Variants in PHKA1 observed in about 807,000 individuals in gnomAD.
The protein encoded by PHKA1 is phosphorylase kinase regulatory subunit alpha 1.
Under a neutral mutation model 110.2 loss-of-function variants are expected in PHKA1, and 60 were observed. The ratio of observed to expected loss-of-function variants is 0.54; its 90% CI spans 0.44 to 0.68. The LOEUF is 0.68. Ranked by LOEUF, PHKA1 falls within the 30% of genes least tolerant of loss-of-function variation. The pLI, the probability that PHKA1 is intolerant of heterozygous loss-of-function variation, is 0.00. For synonymous variants in PHKA1, 316 were observed against 333.6 expected (o/e 0.95, Z 0.58); for missense variants, 801 against 942.5 (o/e 0.85, Z 1.97).
rs2052298629 is a variant in PHKA1 at position 72,578,961 on chromosome X, T to C, written c.*2041A>G. 1 of 112,203 alleles carries C rather than the reference T, an allele frequency of 8.9e-6. No homozygotes were observed. Among genetic ancestry groups the C allele is most frequent in the Non-Finnish European group, 1.9e-5 (1 of 53,290 alleles). The allele number at this position is 112,203 out of a possible 1,213,427, so 9.2% of individuals were successfully genotyped here. A position where few individuals can be genotyped will look rare whatever the true frequency, so the allele number is the denominator to read the frequency against. On this transcript the variant is annotated 3_prime_UTR_variant, in exon 32 of 32. Coordinates refer to ENST00000373542, the MANE Select transcript of PHKA1 (RefSeq NM_002637.4). ...AAAATGAACAAAAAACAAGTCGAGT[T>C]TTCTTAAAAGTTGCTTTAAAAGTTA... is the stretch of plus-strand genomic sequence containing the variant.
At chrX:72,670,670 G>A (rs1398179357) in intron 6 of PHKA1, among the ~76,000 whole-genome samples, 2 of 111,550 alleles carry the variant, frequency 1.8e-5, no homozygotes, top group Non-Finnish European at 3.8e-5. Flanking sequence ...GATGAACATC[G>A]ATGCAAAAAT....
At chrX:72,657,474 C>G (rs183046479) in intron 9 of PHKA1, 114 bp downstream of exon 9, 148 of 546,322 alleles carry the variant, frequency 2.7e-4, no homozygotes, top group Admixed American at 2.3e-3. Context: ...TTATCATTAT[C>G]CTACTTAGTG....
At chrX:72,705,325 A>C in intron 2 of PHKA1, 80 bp from the exon 3 acceptor site, 1 of 731,530 alleles carries the variant, frequency 1.4e-6, no homozygotes, top group Admixed American at 2.3e-5. Flanking sequence ...CAGATGGTAC[A>C]TGACCTTTTG....
In PHKA1 at chrX:72,593,136, A is replaced by C. The variant is rs1556228050; in HGVS notation, c.3211T>G (p.Phe1071Val). The change falls in exon 29 of 32, where the codon TTT (phenylalanine) becomes GTT (valine). Residue 1071 changes from phenylalanine to valine, a missense_variant. Physicochemically the swap from Phe to Val is conservative, Grantham distance 50. Transcript: ENST00000373542. ...DGALNRVPVG[F>V]YQKVWKVLQK... is the part of the protein sequence containing the mutation. Reference sequence around the variant, plus strand: ...AAAACTTTCCATACTTTCTGATAAAATCCAACTGGAACTCTATTCAGTGCC... The same window carrying C: ...AAAACTTTCCATACTTTCTGATAAACTCCAACTGGAACTCTATTCAGTGCC... 1.7e-6 allele frequency: 2 copies of C among 1,201,742 alleles called. No homozygotes were observed.
At chrX:72,647,842 GC>G (rs1556297651) in intron 13 of PHKA1, among the ~76,000 whole-genome samples, 2 of 111,585 alleles carry the variant, frequency 1.8e-5, no homozygotes, top group African/African-American at 6.5e-5. Context: ...TAGTTAGGGG[GC>G]AAAGAAGAAG....
At chrX:72,651,274 C>T (rs1289873832) in intron 12 of PHKA1, among the ~76,000 whole-genome samples, 1 of 111,446 alleles carries the variant, frequency 9.0e-6, no homozygotes, top group African/African-American at 3.3e-5. Flanking sequence ...CAGTGGCTCA[C>T]GCCTGTAATC....
intron 5 of PHKA1, among the ~76,000 whole-genome samples, chrX:72,677,151 A>G (rs1293493479): frequency 1.8e-5 from 2 of 111,870 alleles, no homozygotes; most frequent in African/African-American, 3.3e-5. Flanking sequence ...ATTTTCCTCA[A>G]TTTGGGTTTG....
chrX:72,614,046 T>C (rs1485209768), intron 21 of PHKA1, among the ~76,000 whole-genome samples: 1 of 111,944 alleles, frequency 8.9e-6, no homozygotes, highest in African/African-American at 3.2e-5. Flanking sequence ...AAAGACACTA[T>C]TGGGCTATAT....
At chrX:72,621,511 C>G (rs2052979214) in intron 18 of PHKA1, among the ~76,000 whole-genome samples, 1 of 111,619 alleles carries the variant, frequency 9.0e-6, no homozygotes, top group Admixed American at 9.5e-5. Context: ...GAAAAACATA[C>G]ATATATCCTG....
In PHKA1 at chrX:72,623,282, A is replaced by T. The variant is rs376754554; in HGVS notation, c.1794-7T>A. On this transcript the variant is annotated splice_region_variant and splice_polypyrimidine_tract_variant and intron_variant, in intron 17 of 31. Coordinates refer to ENST00000373542, the MANE Select transcript of PHKA1 (RefSeq NM_002637.4). ...CAATTTACCTGTTTGAACCCTAAAA[A>T]TTAGAGGAGGATAGAAAACAGAAAA... The T allele has an allele frequency of 2.3e-5, 27 of 1,198,465 alleles. No individual in the cohort carries two copies. The highest frequency in any genetic ancestry group is 4.6e-4 in the Middle Eastern group (2 of 4,324).
rs140601895 is a variant in PHKA1 at position 72,683,714 on chromosome X, A to C, written c.537+784T>G. The stretch of plus-strand genomic sequence containing the variant: ...ATTTCTAGAATTTTATGTGAGTAGA[A>C]TCATACAGTCTGTACATTTTTTGTC... On this transcript the variant is annotated intron_variant, in intron 5 of 31. Transcript: ENST00000373542. Among the ~76,000 whole-genome samples, 424 of 112,323 alleles carry C rather than the reference A, an allele frequency of 3.8e-3. 2 individuals carry two copies. The highest frequency in any genetic ancestry group is 0.013 in the African/African-American group (414 of 30,985).
chrX:72,644,438 G>A lies in PHKA1; in HGVS notation c.1383C>T (p.Tyr461=), dbSNP rs1057522310. 12 of 1,205,175 alleles carry A rather than the reference G, an allele frequency of 1.0e-5. No homozygotes were observed. In the East Asian group the frequency reaches 2.7e-4, roughly 27 times the overall value. The change falls in exon 14 of 32, where the codon TAC becomes TAT. Residue 461 remains tyrosine (Y), a synonymous_variant. Coordinates refer to ENST00000373542, the MANE Select transcript of PHKA1 (RefSeq NM_002637.4). Reference sequence around the variant, plus strand: ...GGTATACCTCAGCAATGGTCTCCACGTAAATTCCCTTGTCCTTCAAAATGG... The same window carrying A: ...GGTATACCTCAGCAATGGTCTCCACATAAATTCCCTTGTCCTTCAAAATGG... ...IKTILKDKGI[Y]VETIAEVYPI...
chrX:72,656,507 T>C (rs2053498879), intron 9 of PHKA1, among the ~76,000 whole-genome samples: 1 of 112,366 alleles, frequency 8.9e-6, no homozygotes, highest in Non-Finnish European at 1.9e-5. Flanking sequence ...TTATATTTGT[T>C]AAGTTTTTTG....
intron 12 of PHKA1, among the ~76,000 whole-genome samples, chrX:72,651,203 T>G (rs1010833971): frequency 1.8e-5 from 2 of 111,560 alleles, no homozygotes; most frequent in Non-Finnish European, 3.8e-5. Context: ...GTTTCTGCCC[T>G]TTATGAAATG....
chrX:72,686,263 T>C (rs2147812365), intron 4 of PHKA1, among the ~76,000 whole-genome samples: 1 of 111,991 alleles, frequency 8.9e-6, no homozygotes, highest in East Asian at 2.8e-4. Context: ...GGATAACCAG[T>C]GAGTCTTCCT....
At chrX:72,686,866 C>T (rs1383612409) in intron 4 of PHKA1, among the ~76,000 whole-genome samples, 1 of 111,667 alleles carries the variant, frequency 9.0e-6, no homozygotes, top group Non-Finnish European at 1.9e-5. Flanking sequence ...CCTCTAAATA[C>T]TTCATCATGT....
At position 72,580,470 on chromosome X, in the gene PHKA1, C is replaced by T; in HGVS notation, c.*532G>A. 8.3e-6 allele frequency: 1 copy of T among 120,357 alleles called. No individual in the cohort carries two copies. The highest frequency in any genetic ancestry group is 1.7e-5 in the Non-Finnish European group (1 of 58,470). The allele number at this position is 120,357 out of a possible 1,213,427, so 9.9% of individuals were successfully genotyped here. On this transcript the variant is annotated 3_prime_UTR_variant, in exon 32 of 32. Coordinates refer to ENST00000373542, the MANE Select transcript of PHKA1 (RefSeq NM_002637.4). ...GTAAGTAAGGAAGAAAACCATGATC[C>T]AGTACTCTCTTTTCCTAAGAAAAGG...
At chrX:72,675,041 A>G (rs2053760799) in intron 6 of PHKA1, among the ~76,000 whole-genome samples, 1 of 107,368 alleles carries the variant, frequency 9.3e-6, no homozygotes. Context: ...AAAAAAAATT[A>G]GCTGGGCATG....
chrX:72,587,708 C>G (rs1476907133), intron 29 of PHKA1, among the ~76,000 whole-genome samples: 1 of 111,039 alleles, frequency 9.0e-6, no homozygotes, highest in African/African-American at 3.3e-5. Context: ...CAGAGACACA[C>G]ATAGGCTCAA....
Sources: gnomAD v4.1 joint callset for allele counts (sites outside exome capture counted in the v4.1 genomes callset) on GRCh38, gnomAD v4.1.1 for gene constraint, MANE v1.5 for transcripts, NCBI Gene and HGNC (gene_info 2026-07-23, HGNC 2026-07-21) for gene names.